The following MSR1 variants were observed in gnomAD, a reference collection of about 807,000 sequenced individuals.
MSR1 encodes the protein macrophage scavenger receptor types I and II.
In MSR1, 53 loss-of-function variants were observed where a neutral mutation model predicts 47.2. The observed-to-expected ratio is 1.12, with a 90% CI of 0.90 to 1.41. The LOEUF (loss-of-function observed/expected upper bound fraction) is 1.41. Among genes scored for constraint, MSR1 ranks in the 40% most tolerant of loss-of-function variants. The probability of loss-of-function intolerance (pLI) is 0.00; values close to 1 mark genes in which losing one functional copy is unlikely to be tolerated. For synonymous variants in MSR1, 239 were observed against 185.6 expected, an observed-to-expected ratio of 1.29 and a Z score of -2.34; for missense variants, 786 against 546.9, an observed-to-expected ratio of 1.44 and a Z score of -4.36.
chr8:16,155,012 T>C (rs377649048), intron 6 of MSR1, 52 bp downstream of exon 6: 2 of 1,426,246 alleles, frequency 1.4e-6, no homozygotes, highest in East Asian at 2.3e-5. Flanking sequence ...TGTACCTGGA[T>C]GTATATCATC....
At chr8:16,131,295 T>C (rs1404468016) in intron 8 of MSR1, among the ~76,000 whole-genome samples, 1 of 152,078 alleles carries the variant, frequency 6.6e-6, no homozygotes, top group Non-Finnish European at 1.5e-5. Flanking sequence ...CCTTTGAAAA[T>C]TGTCTGTTCA....
chr8:16,134,250 C>A (rs1411758185), intron 8 of MSR1, among the ~76,000 whole-genome samples: 1 of 151,994 alleles, frequency 6.6e-6, no homozygotes, highest in Non-Finnish European at 1.5e-5. Flanking sequence ...TAAATAGATA[C>A]CTTATTGTTC....
At chr8:16,123,589 TG>T (rs1800059823) in intron 8 of MSR1, among the ~76,000 whole-genome samples, 1 of 148,834 alleles carries the variant, frequency 6.7e-6, no homozygotes. Context: ...TGTATATGTG[TG>T]TGTGTGTGTG....
At chr8:16,187,797 T>G (rs1802046483) in intron 1 of MSR1, among the ~76,000 whole-genome samples, 1 of 152,154 alleles carries the variant, frequency 6.6e-6, no homozygotes, top group Non-Finnish European at 1.5e-5. Flanking sequence ...TATTTCTCTC[T>G]GCACTGCACG....
At chr8:16,140,383 G>A (rs1174759919) in intron 8 of MSR1, 1 of 985,476 alleles carries the variant, frequency 1.0e-6, no homozygotes, top group East Asian at 1.1e-4. Flanking sequence ...TGATTCCTCA[G>A]TAAAAATCAA....
intron 7 of MSR1, 91 bp downstream of exon 7, chr8:16,150,140 G>GTATATATATATATATATATATA (rs55913131): frequency 1.2e-5 from 2 of 172,632 alleles, no homozygotes; most frequent in African/African-American, 6.2e-5. Context: ...GTGTGTGTGT[G>GTATATATATATATATATATATA]TATATATATA....
At position 16,168,529 on chromosome 8, in the gene MSR1, A is replaced by G. The variant is rs1801383456; in HGVS notation, c.559T>C (p.Leu187=). The change falls in exon 4 of 10, where the codon TTG becomes CTG. Residue 187 remains leucine (L), a synonymous_variant. Transcript: ENST00000262101. ...TCTATGTTGAGCTGCAAATCAAGCAATGTGGTATTCAAACTTATTAAGGAC... is the reference window on the plus strand; with the variant it reads ...TCTATGTTGAGCTGCAAATCAAGCAGTGTGGTATTCAAACTTATTAAGGAC... ...SKSLISLNTT[L]LDLQLNIENL... The G allele has an allele frequency of 1.2e-6, 2 of 1,614,168 alleles. No homozygotes were observed. Among genetic ancestry groups the G allele is most frequent in the Non-Finnish European group, 1.7e-6 (2 of 1,180,010 alleles).
At chr8:16,139,301 C>T (rs1415787037) in intron 8 of MSR1, 1 of 983,448 alleles carries the variant, frequency 1.0e-6, no homozygotes, top group East Asian at 1.1e-4. Flanking sequence ...TCAGAGAGAT[C>T]ACTGCGAAGC....
At chr8:16,170,138 A>G (rs913691053) in intron 3 of MSR1, among the ~76,000 whole-genome samples, 1 of 152,174 alleles carries the variant, frequency 6.6e-6, no homozygotes, top group Non-Finnish European at 1.5e-5. Context: ...TCCCCAGGTC[A>G]GGAGATCAAG....
At chr8:16,138,629 A>G (rs1346243088) in intron 8 of MSR1, among the ~76,000 whole-genome samples, 1 of 152,144 alleles carries the variant, frequency 6.6e-6, no homozygotes, top group Non-Finnish European at 1.5e-5. Context: ...GACCGAGGCC[A>G]TCGTGTGGCT....
chr8:16,192,112 C>G (rs892271944), intron 1 of MSR1, among the ~76,000 whole-genome samples: 3 of 152,118 alleles, frequency 2.0e-5, no homozygotes, highest in Admixed American at 1.3e-4. Context: ...TTCCCCACAT[C>G]TAGTTCAATG....
chr8:16,113,657 G>A (rs1401576966), intron 9 of MSR1, among the ~76,000 whole-genome samples: 1 of 152,090 alleles, frequency 6.6e-6, no homozygotes, highest in Non-Finnish European at 1.5e-5. Context: ...TGCTTATAGA[G>A]AAACCACTCA....
chr8:16,171,510 T>C (rs1218839356), intron 3 of MSR1, among the ~76,000 whole-genome samples: 1 of 152,142 alleles, frequency 6.6e-6, no homozygotes, highest in East Asian at 1.9e-4. Context: ...CTTAACTGTA[T>C]CTCATCACAT....
At chr8:16,155,977 C>T (rs34803716) in intron 5 of MSR1, among the ~76,000 whole-genome samples, 545 of 151,772 alleles carry the variant, frequency 3.6e-3, no homozygotes, top group Middle Eastern at 0.014. Flanking sequence ...TTTCTGTGTC[C>T]AGCAAAACAG....
intron 8 of MSR1, among the ~76,000 whole-genome samples, chr8:16,131,102 C>T (rs762820454): frequency 8.6e-5 from 13 of 151,998 alleles, no homozygotes; most frequent in African/African-American, 1.4e-4. Flanking sequence ...CATGAGCAGA[C>T]GATAAGCATT....
chr8:16,118,676 C>T (rs952783672), intron 9 of MSR1, among the ~76,000 whole-genome samples: 1 of 151,648 alleles, frequency 6.6e-6, no homozygotes, highest in Non-Finnish European at 1.5e-5. Context: ...AGATCTGTCT[C>T]CAAAACCAAA....
intron 6 of MSR1, among the ~76,000 whole-genome samples, chr8:16,152,488 G>C (rs922234560): frequency 2.0e-5 from 3 of 152,052 alleles, no homozygotes; most frequent in African/African-American, 7.2e-5. Flanking sequence ...GATTCCTATG[G>C]TGGAAAATTC....
chr8:16,184,441 T>C (rs398698), intron 1 of MSR1, among the ~76,000 whole-genome samples: 2,618 of 152,254 alleles, frequency 0.017, 86 homozygotes, highest in African/African-American at 0.059. Flanking sequence ...CAGACTATAA[T>C]AACCTTAGTT....
chr8:16,150,831 G>T (rs1357932510), intron 6 of MSR1, among the ~76,000 whole-genome samples: 2 of 135,578 alleles, frequency 1.5e-5, no homozygotes, highest in African/African-American at 2.8e-5. Context: ...GTAATCCCAG[G>T]GTAAATAAAC....
Sources: gnomAD v4.1 joint callset for allele counts (sites outside exome capture counted in the v4.1 genomes callset) on GRCh38, gnomAD v4.1.1 for gene constraint, MANE v1.5 for transcripts, NCBI Gene and HGNC (gene_info 2026-07-23, HGNC 2026-07-21) for gene names.